TRPM2: variants seen among roughly 807,000 people sequenced by gnomAD.
TRPM2 encodes estrogen-responsive element-associated gene 1 protein.
TRPM2 carries 161 observed loss-of-function variants against 174.0 expected under a neutral mutation model. The ratio of observed to expected loss-of-function variants is 0.93; its 90% CI spans 0.81 to 1.05. The LOEUF is 1.05. Ranked by LOEUF, TRPM2 falls within the 50% of genes least tolerant of loss-of-function variation. The pLI is 0.00. For synonymous variants in TRPM2, 954 were observed against 861.3 expected (o/e 1.11, Z -1.88); for missense variants, 2,057 against 2,038.0 (o/e 1.01, Z -0.18).
chr21:44,418,262 G>A (rs1476062411), intron 21 of TRPM2, among the ~76,000 whole-genome samples, 154 bp downstream of exon 21: 2 of 152,220 alleles, frequency 1.3e-5, no homozygotes, highest in Non-Finnish European at 2.9e-5. Context: ...AGCAAGTGGT[G>A]GGGGCTGAGC....
rs369053888 is a variant in TRPM2 at position 44,391,604 on chromosome 21, C to T, written c.1773C>T (p.Pro591=). Reference sequence around the variant, plus strand: ...ACGACCGGCTGCGGCTCCTGCTGCCCGTTCCCCACGTCAAGCTCAACGTGC... The same window carrying T: ...ACGACCGGCTGCGGCTCCTGCTGCCTGTTCCCCACGTCAAGCTCAACGTGC... ...RHNDRLRLLL[P]VPHVKLNVQG... is the part of the protein sequence containing the mutation. The change falls in exon 11 of 32, where the codon CCC becomes CCT. Residue 591 remains proline, a synonymous_variant. Coordinates refer to ENST00000397928, the MANE Select transcript of TRPM2 (RefSeq NM_003307.4). The surrounding 1 kb of genome is among the most constrained non-coding windows in gnomAD (Gnocchi z 5.0). 26 of 1,580,178 alleles carry T rather than the reference C, an allele frequency of 1.6e-5. No homozygotes were observed. The African/African-American group carries it at 1.7e-4, about 11-fold the overall frequency.
chr21:44,382,948 G>A, intron 9 of TRPM2, 128 bp downstream of exon 9: 2 of 988,758 alleles, frequency 2.0e-6, no homozygotes, highest in Non-Finnish European at 3.0e-6. Context: ...AGAAACCCTG[G>A]CCAGAGGGCA....
rs2050375339 is a variant in TRPM2, at chr21:44,418,044, C to A, written c.3264C>A (p.Ser1088Arg). Residue 1088 changes from serine to arginine, a missense_variant, in exon 21 of 32, where the codon AGC becomes AGA. By Grantham distance (110) the Ser-to-Arg change is moderately radical. Transcript: ENST00000397928. ...PAAPPPFILLSHLQLFIKRVV... is the reference protein window; with the variant it reads ...PAAPPPFILLRHLQLFIKRVV... ...CGCCGCCCCCCTTCATCCTCCTCAG[C>A]CACCTGCAGCTCTTCATCAAGAGGG... 6.2e-7 allele frequency: 1 copy of A among 1,613,092 alleles called. No homozygotes were observed. Among genetic ancestry groups the A allele is most frequent in the Non-Finnish European group, 8.5e-7 (1 of 1,180,022 alleles).
In TRPM2 at chr21:44,400,373, T is replaced by TGCTGCAGG; in HGVS notation, c.2321+8_2321+15dup. Reference sequence around the variant, plus strand: ...CCTCACCGGCCTCATCTCCTTCAGGTGCTGCAGGGCTGCGGGGCTGCGGGA... The same window carrying TGCTGCAGG: ...CCTCACCGGCCTCATCTCCTTCAGGTGCTGCAGGGCTGCAGGGCTGCGGGGCTGCGGGA... On this transcript the variant is annotated splice_region_variant and intron_variant, in intron 15 of 31. Transcript: ENST00000397928. 1.9e-6 allele frequency: 3 copies of TGCTGCAGG among 1,609,698 alleles called. No homozygotes were observed. The highest frequency in any genetic ancestry group is 2.5e-6 in the Non-Finnish European group (3 of 1,178,970).
chr21:44,368,035 T>G (rs971262191), intron 4 of TRPM2, among the ~76,000 whole-genome samples: 1 of 152,238 alleles, frequency 6.6e-6, no homozygotes, highest in East Asian at 1.9e-4. Context: ...AATATCCGTG[T>G]CCTTGTTGTC....
chr21:44,390,873 C>A (rs758480445), intron 9 of TRPM2, 31 bp from the exon 10 acceptor site: 3 of 1,613,118 alleles, frequency 1.9e-6, no homozygotes, highest in Admixed American at 1.7e-5. Flanking sequence ...AGCTCCAGAT[C>A]GAGGCCCAAT....
rs981506893 is a variant in TRPM2 at position 44,425,347 on chromosome 21, G to A, written c.3638-323G>A. ...GAAATGCACATCAGTAGCCTTCCTC[G>A]GGCTGCTGAGTTTCGCCGGCCCTCA... On this transcript the variant is annotated intron_variant, in intron 24 of 31. Transcript: ENST00000397928. 6.7e-5 allele frequency: 27 copies of A among 404,774 alleles called. 1 individual carries two copies. The highest frequency in any genetic ancestry group is 5.7e-4 in the Admixed American group (14 of 24,518). The allele number at this position is 404,774 out of a possible 1,614,324, so 25.1% of individuals were successfully genotyped here.
At chr21:44,423,161 A>G (rs145868705) in intron 22 of TRPM2, among the ~76,000 whole-genome samples, 59 of 51,164 alleles carry the variant, frequency 1.2e-3, no homozygotes, top group East Asian at 9.7e-3. Context: ...GAAAAACAGC[A>G]CTGCTCCACA....
intron 30 of TRPM2, among the ~76,000 whole-genome samples, 182 bp from the exon 31 acceptor site, chr21:44,440,607 G>T (rs145274907): frequency 1.3e-5 from 2 of 152,234 alleles, no homozygotes; most frequent in Non-Finnish European, 2.9e-5. Flanking sequence ...GATGAAGCCC[G>T]CATTGGGCTG....
At chr21:44,372,409 C>A (rs773299856) in intron 5 of TRPM2, among the ~76,000 whole-genome samples, 1 of 150,646 alleles carries the variant, frequency 6.6e-6, no homozygotes, top group Non-Finnish European at 1.5e-5. Flanking sequence ...GCAGGAGAAT[C>A]GCTTGAACCT....
intron 22 of TRPM2, among the ~76,000 whole-genome samples, chr21:44,420,044 T>C (rs879255977): frequency 6.6e-6 from 1 of 152,028 alleles, no homozygotes; most frequent in Admixed American, 6.6e-5. Context: ...GTGAGGACCT[T>C]AATGAACTAG....
chr21:44,376,356 G>A lies in TRPM2; in HGVS notation c.952+343G>A, dbSNP rs190155423. 7.0e-4 allele frequency among the ~76,000 whole-genome samples: 107 copies of A among 152,302 alleles called. No homozygotes were observed. Among genetic ancestry groups the A allele is most frequent in the African/African-American group, 2.4e-3 (98 of 41,572 alleles). On this transcript the variant is annotated intron_variant, in intron 6 of 31. Transcript: ENST00000397928. This position sits in a 1 kb window ranked among gnomAD's most constrained non-coding sequence, Gnocchi z 4.2. The stretch of plus-strand genomic sequence containing the variant: ...TGCCCATTTTAGCCAGTGGGAGGGC[G>A]GTCTGGGGGGCTGGCAGCTCACCTG...
At chr21:44,359,017 C>A (rs12626312) in intron 2 of TRPM2, among the ~76,000 whole-genome samples, 89 of 105,726 alleles carry the variant, frequency 8.4e-4, no homozygotes, top group African/African-American at 3.9e-3. Context: ...TTATTTGTCC[C>A]CGCCCGTGTC....
chr21:44,375,310 T>C (rs1331613294), intron 5 of TRPM2, among the ~76,000 whole-genome samples: 1 of 152,250 alleles, frequency 6.6e-6, no homozygotes, highest in Non-Finnish European at 1.5e-5. Flanking sequence ...CGTCTCCCCA[T>C]TGCCGGTTTC....
At chr21:44,422,191 T>C in intron 22 of TRPM2, 1 of 1,475,654 alleles carries the variant, frequency 6.8e-7, no homozygotes, top group Admixed American at 2.3e-5. Flanking sequence ...GCTGGGCACC[T>C]GGGAGGCGCA....
rs754513332 is a variant in TRPM2, at chr21:44,423,667, C to T, written c.3484C>T (p.Leu1162=). Residue 1162 remains leucine, a synonymous_variant, in exon 23 of 32, where the codon CTG becomes TTG. Coordinates refer to ENST00000397928, the MANE Select transcript of TRPM2 (RefSeq NM_003307.4). ...SNKVDAMVDL[L]DLDPLKRSGS... ...CAGGGTTGACGCCATGGTGGACCTGCTGGACCTGGACCCACTGAAGAGGTC... is the reference window on the plus strand; with the variant it reads ...CAGGGTTGACGCCATGGTGGACCTGTTGGACCTGGACCCACTGAAGAGGTC... 2 of 1,612,950 alleles carry T rather than the reference C, an allele frequency of 1.2e-6. No individual in the cohort carries two copies. Among genetic ancestry groups the T allele is most frequent in the Admixed American group, 3.3e-5 (2 of 59,914 alleles).
chr21:44,390,722 A>C (rs964300492), intron 9 of TRPM2, among the ~76,000 whole-genome samples, 182 bp from the exon 10 acceptor site: 1 of 152,154 alleles, frequency 6.6e-6, no homozygotes, highest in African/African-American at 2.4e-5. Flanking sequence ...TCTGACTCCG[A>C]AATGGAACAT....
intron 4 of TRPM2, 69 bp from the exon 5 acceptor site, chr21:44,369,108 G>T: frequency 7.1e-7 from 1 of 1,408,820 alleles, no homozygotes; most frequent in Non-Finnish European, 9.3e-7. Flanking sequence ...AAGGGCTCAG[G>T]CGTCAGGCTC....
At chr21:44,431,146 A>G (rs947572158) in intron 27 of TRPM2, among the ~76,000 whole-genome samples, 2 of 151,760 alleles carry the variant, frequency 1.3e-5, no homozygotes, top group African/African-American at 2.4e-5. Flanking sequence ...GCTCATTTTT[A>G]TTCAACTTTC....
Sources: allele counts gnomAD v4.1 joint callset (sites outside exome capture counted in the v4.1 genomes callset), GRCh38; gene constraint gnomAD v4.1.1; non-coding constraint Gnocchi (gnomAD v3.1); transcripts MANE v1.5; gene names NCBI Gene and HGNC (gene_info 2026-07-23, HGNC 2026-07-21).